Variants in SNX29 observed in about 807,000 individuals in gnomAD.
SNX29 encodes sorting nexin 29.
A neutral mutation model predicts 102.1 loss-of-function variants in SNX29; 78 were observed. The observed-to-expected ratio is 0.76, with a 90% CI of 0.64 to 0.92. The LOEUF is 0.92. Ranked by LOEUF, SNX29 falls within the 40% of genes least tolerant of loss-of-function variation. The pLI is 0.00. For missense variants in SNX29, 1,280 were observed against 1,061.7 expected, an observed-to-expected ratio of 1.21 and a Z score of -2.86; for synonymous variants, 580 against 414.5, an observed-to-expected ratio of 1.40 and a Z score of -4.85.
intron 14 of SNX29, among the ~76,000 whole-genome samples, chr16:12,276,524 T>TG (rs2079257040): frequency 2.0e-5 from 3 of 152,136 alleles, no homozygotes; most frequent in South Asian, 4.1e-4. Flanking sequence ...CCCGCATCAC[T>TG]GGGGGGCTAG....
At chr16:12,281,824 A>C (rs1490645559) in intron 15 of SNX29, among the ~76,000 whole-genome samples, 1 of 152,122 alleles carries the variant, frequency 6.6e-6, no homozygotes, top group African/African-American at 2.4e-5. Flanking sequence ...TAATCCCAGC[A>C]CTTTGAGAGA....
At chr16:11,980,846 G>C (rs1365558313) in intron 1 of SNX29, among the ~76,000 whole-genome samples, 1 of 152,088 alleles carries the variant, frequency 6.6e-6, no homozygotes, top group Non-Finnish European at 1.5e-5. Context: ...ACATTCGGTG[G>C]TCTTTTTATT....
intron 11 of SNX29, among the ~76,000 whole-genome samples, chr16:12,085,521 TTTGCCATG>T (rs2052128109): frequency 6.6e-6 from 1 of 152,162 alleles, no homozygotes; most frequent in Admixed American, 6.5e-5. Flanking sequence ...GAGGTGGGGT[TTTGCCATG>T]TTGGCTAGGC....
chr16:12,553,084 T>C (rs1378087542), intron 20 of SNX29, among the ~76,000 whole-genome samples: 1 of 152,134 alleles, frequency 6.6e-6, no homozygotes, highest in Non-Finnish European at 1.5e-5. Context: ...CACCTGCATA[T>C]AGTTCAGGCT....
chr16:12,436,144 T>G (rs80155577), intron 18 of SNX29, among the ~76,000 whole-genome samples: 21 of 152,228 alleles, frequency 1.4e-4, no homozygotes, highest in Non-Finnish European at 1.8e-4. Context: ...CCAAAGGGGA[T>G]TAAAGCTCTT....
At chr16:12,022,017 G>A (rs2057039701) in intron 3 of SNX29, among the ~76,000 whole-genome samples, 2 of 151,810 alleles carry the variant, frequency 1.3e-5, no homozygotes, top group Non-Finnish European at 2.9e-5. Context: ...AATGCAGCAG[G>A]AGGAAGTTAC....
intron 18 of SNX29, among the ~76,000 whole-genome samples, chr16:12,407,016 G>T (rs979288218): frequency 6.6e-6 from 1 of 152,230 alleles, no homozygotes; most frequent in African/African-American, 2.4e-5. Flanking sequence ...GCACAGATCT[G>T]GAACATTTAC....
At chr16:12,268,656 G>A (rs996676315) in intron 14 of SNX29, among the ~76,000 whole-genome samples, 1 of 152,090 alleles carries the variant, frequency 6.6e-6, no homozygotes, top group African/African-American at 2.4e-5. Flanking sequence ...ATGGGACCTG[G>A]GCATACCTCA....
At chr16:12,553,862 C>A (rs1038709112) in intron 20 of SNX29, among the ~76,000 whole-genome samples, 3 of 151,998 alleles carry the variant, frequency 2.0e-5, no homozygotes, top group Non-Finnish European at 4.4e-5. Context: ...GCTGGGATTT[C>A]AGATGGAGTC....
chr16:12,568,998 A>T lies in SNX29; in HGVS notation c.*369A>T. ...TTGAGAGGCAAAGGTGATCCCCTAT[A>T]TAGGAAGGTTCATGCAGAGCCAGCC... On this transcript the variant is annotated 3_prime_UTR_variant, in exon 21 of 21. Coordinates refer to ENST00000566228, the MANE Select transcript of SNX29 (RefSeq NM_032167.5). 1 of 287,346 alleles carries T rather than the reference A, an allele frequency of 3.5e-6. No individual in the cohort carries two copies. The highest frequency in any genetic ancestry group is 5.1e-5 in the Admixed American group (1 of 19,658). 17.8% of individuals were successfully genotyped at this position (287,346 alleles called of 1,614,324 possible). A position where few individuals can be genotyped will look rare whatever the true frequency, so the allele number is the denominator to read the frequency against.
intron 14 of SNX29, among the ~76,000 whole-genome samples, chr16:12,232,520 G>C (rs1276983899): frequency 1.3e-5 from 2 of 152,190 alleles, no homozygotes; most frequent in African/African-American, 4.8e-5. Flanking sequence ...GACTCGGCCA[G>C]AAACAAACAA....
rs61090719 is a variant in SNX29, at chr16:12,396,396, A to G, written c.1900-2050A>G. Among the ~76,000 whole-genome samples, 674 of 152,230 alleles carry G rather than the reference A, an allele frequency of 4.4e-3. 5 individuals carry two copies. Among genetic ancestry groups the G allele is most frequent in the African/African-American group, 0.016 (646 of 41,542 alleles). ...AAACTCTGTTCACTTCCAGTTGGAA[A>G]TGAGGCTGCATCTAAAGGCGGTGGC... is the stretch of plus-strand genomic sequence containing the variant. On this transcript the variant is annotated intron_variant, in intron 16 of 20. Transcript: ENST00000566228.
At chr16:12,290,399 C>T (rs901577879) in intron 15 of SNX29, among the ~76,000 whole-genome samples, 4 of 152,148 alleles carry the variant, frequency 2.6e-5, no homozygotes, top group African/African-American at 9.7e-5. Context: ...AGATCTCATC[C>T]TGGAAGCCTT....
intron 11 of SNX29, chr16:12,088,006 G>T (rs74984128): frequency 5.7e-5 from 26 of 456,542 alleles, no homozygotes; most frequent in East Asian, 3.5e-4. Context: ...TGGTCCTTTG[G>T]GGGGTATGAG....
intron 15 of SNX29, among the ~76,000 whole-genome samples, chr16:12,305,113 C>G (rs746661769): frequency 1.3e-5 from 2 of 152,214 alleles, no homozygotes; most frequent in Non-Finnish European, 2.9e-5. Flanking sequence ...GTTATTTCGG[C>G]TTTCTAATGA....
At chr16:12,262,994 C>T (rs987621228) in intron 14 of SNX29, among the ~76,000 whole-genome samples, 3 of 152,176 alleles carry the variant, frequency 2.0e-5, no homozygotes, top group Non-Finnish European at 2.9e-5. Context: ...CCTTCATGTG[C>T]AGAATGGGAA....
chr16:12,553,310 C>G (rs2078106967), intron 20 of SNX29, among the ~76,000 whole-genome samples: 1 of 152,208 alleles, frequency 6.6e-6, no homozygotes, highest in African/African-American at 2.4e-5. Context: ...GCACCTGGCC[C>G]TGGGAAACGC....
At chr16:12,184,366 C>A (rs767869747) in intron 13 of SNX29, among the ~76,000 whole-genome samples, 1 of 152,110 alleles carries the variant, frequency 6.6e-6, no homozygotes, top group Non-Finnish European at 1.5e-5. Context: ...TGCCATGCAC[C>A]GTGCTGAATG....
At chr16:12,387,320 C>T (rs1567511051) in intron 16 of SNX29, among the ~76,000 whole-genome samples, 2 of 152,048 alleles carry the variant, frequency 1.3e-5, no homozygotes, top group Non-Finnish European at 2.9e-5. Context: ...ACAGCTTGCT[C>T]CGGTGCCCCA....
Sources: allele counts gnomAD v4.1 joint callset (sites outside exome capture counted in the v4.1 genomes callset), GRCh38; gene constraint gnomAD v4.1.1; transcripts MANE v1.5; gene names NCBI Gene and HGNC (gene_info 2026-07-23, HGNC 2026-07-21).